KHDC1: variants seen among roughly 807,000 people sequenced by gnomAD.
KHDC1 encodes KH domain containing 1.
Under a neutral mutation model 24.7 loss-of-function variants are expected in KHDC1, and 21 were observed. That is an observed-to-expected ratio of 0.85 (90% CI 0.60 to 1.23). The LOEUF is 1.23. Ranked by LOEUF, KHDC1 falls within the 50% of genes most tolerant of loss-of-function variation. The probability of loss-of-function intolerance (pLI) is 0.00; values close to 1 mark genes in which losing one functional copy is unlikely to be tolerated. For synonymous variants in KHDC1, 98 were observed against 111.7 expected (o/e 0.88, Z 0.77); for missense variants, 274 against 298.5 (o/e 0.92, Z 0.61).
chr6:73,263,044 G>A, intron 2 of KHDC1: 1 of 947,588 alleles, frequency 1.1e-6, no homozygotes, highest in Non-Finnish European at 1.2e-6. Flanking sequence ...GAGTAGGGCG[G>A]CGGCGGCGGC....
intron 2 of KHDC1, among the ~76,000 whole-genome samples, chr6:73,288,624 A>G (rs1767565979): frequency 6.6e-6 from 1 of 151,964 alleles, no homozygotes; most frequent in Admixed American, 6.6e-5. Context: ...TCGTCTTAAA[A>G]AAAAAGTTTT....
intron 2 of KHDC1, chr6:73,268,368 G>C (rs1767112534): frequency 6.5e-6 from 1 of 154,016 alleles, no homozygotes; most frequent in African/African-American, 2.4e-5. Context: ...GCTCATAAAA[G>C]CAGTGTGGCC....
At chr6:73,253,974 A>C (rs1582555490) in intron 2 of KHDC1, among the ~76,000 whole-genome samples, 2 of 152,248 alleles carry the variant, frequency 1.3e-5, no homozygotes, top group South Asian at 4.2e-4. Context: ...TATGTAAAAT[A>C]ATAAAAATAA....
rs542501704 is a variant in KHDC1, at chr6:73,242,921, T to C, written c.207-391A>G. ...TGCACAGGTGCTGGCAGTCACCCAA[T>C]GACCAGAGTGTATTCCAACAAGACG... On this transcript the variant is annotated intron_variant, in intron 2 of 4. Transcript: ENST00000370384. Among the ~76,000 whole-genome samples, 4 of 152,118 alleles carry C rather than the reference T, an allele frequency of 2.6e-5. No individual in the cohort carries two copies. The South Asian group carries it at 8.3e-4, about 32-fold the overall frequency.
At chr6:73,279,656 T>C (rs73462516) in intron 2 of KHDC1, among the ~76,000 whole-genome samples, 1,792 of 145,548 alleles carry the variant, frequency 0.012, 35 homozygotes, top group African/African-American at 0.044. Context: ...CATGGCTCAC[T>C]GCAGCCTTGA....
intron 1 of KHDC1, chr6:73,292,900 T>C (rs1767682419): frequency 1.3e-6 from 1 of 786,510 alleles, no homozygotes; most frequent in Admixed American, 1.9e-5. Flanking sequence ...AATCAGTGCT[T>C]GTGAACGACT....
intron 2 of KHDC1, among the ~76,000 whole-genome samples, chr6:73,277,863 CAAA>C (rs35501040): frequency 7.6e-5 from 10 of 131,638 alleles, no homozygotes; most frequent in Non-Finnish European, 1.3e-4. Flanking sequence ...GATCGTGTCT[CAAA>C]AAAAAAAAAA....
At chr6:73,289,773 C>T (rs955975836) in intron 2 of KHDC1, among the ~76,000 whole-genome samples, 5 of 151,996 alleles carry the variant, frequency 3.3e-5, no homozygotes, top group Non-Finnish European at 5.9e-5. Context: ...TCATGGCCAA[C>T]ATGGTGAAAC....
intron 2 of KHDC1, among the ~76,000 whole-genome samples, chr6:73,246,918 A>C (rs764461470): frequency 1.3e-5 from 2 of 151,986 alleles, no homozygotes; most frequent in African/African-American, 2.4e-5. Flanking sequence ...GCATCCTAAT[A>C]GTTTGATTAT....
At chr6:73,270,386 G>T (rs1348776159) in intron 2 of KHDC1, 1 of 151,978 alleles carries the variant, frequency 6.6e-6, no homozygotes, top group African/African-American at 2.4e-5. Context: ...ATTTTTACAT[G>T]GTTTAACCCA....
chr6:73,297,137 G>T (rs1371591386), intron 1 of KHDC1, among the ~76,000 whole-genome samples: 1 of 152,068 alleles, frequency 6.6e-6, no homozygotes, highest in Non-Finnish European at 1.5e-5. Context: ...CTGACCTCAG[G>T]TGATAGGCCC....
chr6:73,241,567 C>T, exon 5 of KHDC1: 1 of 1,614,128 alleles, frequency 6.2e-7, no homozygotes, highest in South Asian at 1.1e-5. Flanking sequence ...CCCGAACAAC[C>T]AATCACTTGG....
At chr6:73,268,315 G>A (rs1767111644) in intron 2 of KHDC1, 2 of 153,778 alleles carry the variant, frequency 1.3e-5, no homozygotes, top group Non-Finnish European at 1.4e-5. Context: ...TGGTCTCGCT[G>A]GCTTCAGGAG....
chr6:73,254,532 G>T lies in KHDC1; in HGVS notation c.207-12002C>A, dbSNP rs530590474. On this transcript the variant is annotated intron_variant, in intron 2 of 4. Transcript: ENST00000370384. ...TAAATAAAAGACTACGTAGCTATAA[G>T]AAATTACAAGAAAGTGTTTCTGCTC... is the stretch of plus-strand genomic sequence containing the variant. 1.5e-3 allele frequency among the ~76,000 whole-genome samples: 222 copies of T among 151,328 alleles called. 1 individual carries two copies. Among genetic ancestry groups the T allele is most frequent in the Middle Eastern group, 6.9e-3 (2 of 290 alleles).
chr6:73,298,125 G>A (rs1021094962), intron 1 of KHDC1, among the ~76,000 whole-genome samples: 2 of 152,006 alleles, frequency 1.3e-5, no homozygotes, highest in African/African-American at 4.8e-5. Context: ...GGGAGGCAGA[G>A]GTTGCAGTGA....
exon 4 of KHDC1, chr6:73,242,075 T>A: frequency 6.2e-7 from 1 of 1,613,072 alleles, no homozygotes; most frequent in South Asian, 1.1e-5. Context: ...ATGATAGGAG[T>A]CCTGGCTCCC....
chr6:73,249,669 C>G (rs951318372), intron 2 of KHDC1, among the ~76,000 whole-genome samples: 2 of 152,168 alleles, frequency 1.3e-5, no homozygotes, highest in South Asian at 2.1e-4. Flanking sequence ...TGGATGTGGA[C>G]TCACAGAAAG....
At chr6:73,263,239 C>A in intron 2 of KHDC1, 43 bp from the exon 1 acceptor site, 6 of 986,634 alleles carry the variant, frequency 6.1e-6, no homozygotes, top group Non-Finnish European at 7.2e-6. Context: ...GCGCGGGAAG[C>A]AACCCAGAGC....
chr6:73,255,904 CAA>C (rs1205326198), intron 2 of KHDC1, among the ~76,000 whole-genome samples: 9 of 49,426 alleles, frequency 1.8e-4, no homozygotes, highest in Admixed American at 2.1e-4. Flanking sequence ...CCTGTCTCAA[CAA>C]AAAAAAAAAA....
Sources: gnomAD v4.1 joint callset for allele counts (sites outside exome capture counted in the v4.1 genomes callset) on GRCh38, gnomAD v4.1.1 for gene constraint, MANE v1.5 for transcripts, NCBI Gene and HGNC (gene_info 2026-07-23, HGNC 2026-07-21) for gene names.